USP32: variants seen among roughly 807,000 people sequenced by gnomAD.
USP32 encodes ubiquitin specific peptidase 32.
A neutral mutation model predicts 204.8 loss-of-function variants in USP32; 59 were observed. The ratio of observed to expected loss-of-function variants is 0.29; its 90% confidence interval spans 0.23 to 0.36. USP32 has a LOEUF of 0.36. USP32 is among the 10% of genes least tolerant of loss of function. USP32 has a pLI of 1.00. For missense variants in USP32, 1,160 were observed against 1,946.4 expected, an observed-to-expected ratio of 0.60 and a Z score of 7.60; for synonymous variants, 517 against 678.4, an observed-to-expected ratio of 0.76 and a Z score of 3.70.
chr17:60,211,620 C>T (rs1407349336), intron 19 of USP32, 106 bp from the exon 20 acceptor site: 19 of 1,461,492 alleles, frequency 1.3e-5, no homozygotes, highest in Non-Finnish European at 1.6e-5. Context: ...TCATAATCAG[C>T]TAAATGGTGC....
upstream of USP32, among the ~76,000 whole-genome samples, chr17:60,393,090 G>A (rs2089867815): frequency 6.6e-6 from 1 of 152,160 alleles, no homozygotes; most frequent in African/African-American, 2.4e-5. Flanking sequence ...TCTTGCAAAA[G>A]GGAAACTCTG....
chr17:60,268,582 CAAAAAAA>C (rs57060420), intron 7 of USP32, among the ~76,000 whole-genome samples: 1 of 45,456 alleles, frequency 2.2e-5, no homozygotes, highest in Non-Finnish European at 4.9e-5. Flanking sequence ...GACCCTGTCT[CAAAAAAA>C]AAAAAAAAAA....
At chr17:60,336,924 CA>C (rs2088536664) in intron 2 of USP32, among the ~76,000 whole-genome samples, 1 of 152,048 alleles carries the variant, frequency 6.6e-6, no homozygotes, top group African/African-American at 2.4e-5. Flanking sequence ...TATACCGTAA[CA>C]AAAATGTTAG....
chr17:60,305,993 G>A (rs2087711985), intron 2 of USP32, among the ~76,000 whole-genome samples: 1 of 151,944 alleles, frequency 6.6e-6, no homozygotes, highest in Non-Finnish European at 1.5e-5. Flanking sequence ...CTAAGTTCTA[G>A]GATGTACATA....
chr17:60,367,910 C>T (rs1268955685), intron 1 of USP32, among the ~76,000 whole-genome samples: 2 of 151,680 alleles, frequency 1.3e-5, no homozygotes, highest in East Asian at 3.9e-4. Flanking sequence ...ATTCCCTAAA[C>T]AATACAGTGT....
chr17:60,346,717 C>A (rs1180113831), intron 1 of USP32, among the ~76,000 whole-genome samples: 1 of 152,092 alleles, frequency 6.6e-6, no homozygotes, highest in Admixed American at 6.6e-5. Flanking sequence ...AGAAATGGTA[C>A]CTTTGACCCA....
At chr17:60,244,237 C>A (rs1215987384) in intron 11 of USP32, among the ~76,000 whole-genome samples, 1 of 151,772 alleles carries the variant, frequency 6.6e-6, no homozygotes, top group African/African-American at 2.4e-5. Flanking sequence ...CCAGGATGGT[C>A]TCAATCTCCT....
chr17:60,232,461 T>C (rs924219595), intron 12 of USP32, among the ~76,000 whole-genome samples: 2 of 148,656 alleles, frequency 1.3e-5, no homozygotes, highest in African/African-American at 2.5e-5. Context: ...GTGTGAGCCA[T>C]TGCACCTGGC....
At chr17:60,339,220 A>G (rs758599108) in intron 2 of USP32, among the ~76,000 whole-genome samples, 2 of 152,032 alleles carry the variant, frequency 1.3e-5, no homozygotes, top group Non-Finnish European at 2.9e-5. Flanking sequence ...CTAGAAGAAC[A>G]TAAAAATATT....
chr17:60,256,843 A>G (rs933900259), intron 9 of USP32: 5 of 817,000 alleles, frequency 6.1e-6, no homozygotes, highest in Non-Finnish European at 8.6e-6. Context: ...GCCAGTCAAC[A>G]TTAATCAACT....
At chr17:60,282,435 C>T (rs2086991431) in intron 5 of USP32, among the ~76,000 whole-genome samples, 1 of 152,122 alleles carries the variant, frequency 6.6e-6, no homozygotes, top group Admixed American at 6.6e-5. Context: ...CTCACTGCAA[C>T]CTCTGCCTCC....
intron 11 of USP32, among the ~76,000 whole-genome samples, chr17:60,251,055 A>C (rs576830572): frequency 6.6e-6 from 1 of 150,402 alleles, no homozygotes; most frequent in Non-Finnish European, 1.5e-5. Context: ...CAATCCTCCC[A>C]CCTCAGCCTC....
chr17:60,321,345 C>T (rs931217154), intron 2 of USP32, among the ~76,000 whole-genome samples: 2 of 152,150 alleles, frequency 1.3e-5, no homozygotes, highest in African/African-American at 4.8e-5. Context: ...CTACAACCAA[C>T]GTAAGACTGG....
At chr17:60,327,883 C>T (rs1054530431) in intron 2 of USP32, among the ~76,000 whole-genome samples, 14 of 152,252 alleles carry the variant, frequency 9.2e-5, no homozygotes, top group African/African-American at 3.4e-4. Context: ...GCGGTGCTGA[C>T]GTGCTAGCTG....
chr17:60,201,010 G>A (rs1388225408), intron 26 of USP32, among the ~76,000 whole-genome samples: 1 of 151,988 alleles, frequency 6.6e-6, no homozygotes, highest in Non-Finnish European at 1.5e-5. Context: ...CAGGTGTGTG[G>A]CACACGCTGG....
chr17:60,394,563 G>A (rs548263581), upstream of USP32, among the ~76,000 whole-genome samples: 7 of 152,064 alleles, frequency 4.6e-5, no homozygotes, highest in African/African-American at 1.2e-4. Context: ...GAATATGACC[G>A]CATGTGTCGT....
chr17:60,328,512 C>T (rs2088300407), intron 2 of USP32, among the ~76,000 whole-genome samples: 1 of 152,222 alleles, frequency 6.6e-6, no homozygotes, highest in African/African-American at 2.4e-5. Context: ...TCATCTTCCT[C>T]ACCCTCCATC....
At chr17:60,198,810 T>C (rs558365155) in intron 26 of USP32, among the ~76,000 whole-genome samples, 10 of 152,216 alleles carry the variant, frequency 6.6e-5, no homozygotes, top group Non-Finnish European at 1.5e-4. Context: ...GGCTCTTTCT[T>C]TCTCCAGAAA....
chr17:60,185,114 G>C (rs2145375064), intron 30 of USP32, among the ~76,000 whole-genome samples: 1 of 152,272 alleles, frequency 6.6e-6, no homozygotes, highest in East Asian at 1.9e-4. Context: ...GTCCACAAAG[G>C]GTTAGCCTAA....
Sources: gnomAD v4.1 joint callset for allele counts (sites outside exome capture counted in the v4.1 genomes callset) on GRCh38, gnomAD v4.1.1 for gene constraint, MANE v1.5 for transcripts, NCBI Gene and HGNC (gene_info 2026-07-23, HGNC 2026-07-21) for gene names.